FAT3: variants seen among roughly 807,000 people sequenced by gnomAD.
FAT3 encodes FAT atypical cadherin 3, also known as protocadherin Fat 3.
FAT3 carries 95 observed loss-of-function variants against 310.2 expected under a neutral mutation model. That is an observed-to-expected ratio of 0.31 (90% confidence interval 0.26 to 0.36). The LOEUF is 0.36. Ranked by LOEUF, FAT3 falls within the 10% of genes least tolerant of loss-of-function variation. FAT3 has a pLI of 1.00. For synonymous variants in FAT3, 2,314 were observed against 2,192.9 expected (o/e 1.06, Z -1.54); for missense variants, 5,408 against 5,715.6 (o/e 0.95, Z 1.74).
chr11:92,382,460 G>A (rs957004542), intron 2 of FAT3, among the ~76,000 whole-genome samples: 1 of 152,072 alleles, frequency 6.6e-6, no homozygotes, highest in South Asian at 2.1e-4. Flanking sequence ...TCCCAGGAAG[G>A]CACCTCTAAC....
At chr11:92,767,295 G>A (rs959954833) in intron 6 of FAT3, among the ~76,000 whole-genome samples, 25 of 149,896 alleles carry the variant, frequency 1.7e-4, no homozygotes, top group Admixed American at 3.3e-4. Flanking sequence ...AGCAGAAACC[G>A]AATAGGCAAC....
At chr11:92,436,579 G>A (rs988663827) in intron 2 of FAT3, among the ~76,000 whole-genome samples, 1 of 152,160 alleles carries the variant, frequency 6.6e-6, no homozygotes, top group Admixed American at 6.5e-5. Flanking sequence ...CTGGTCCATA[G>A]CGCCAGTACC....
rs11020041 is a variant in FAT3 at position 92,727,963 on chromosome 11, C to T, written c.3669+30518C>T. Among the ~76,000 whole-genome samples the T allele has an allele frequency of 3.5e-4, 53 of 152,270 alleles. No individual in the cohort carries two copies. The East Asian group carries it at 6.0e-3, about 17-fold the overall frequency. ...GTTGCTGGCTGTTCTTCTCAGGGTT[C>T]TCCGGGCTTTGAGAGAGCATGCTGG... is the stretch of plus-strand genomic sequence containing the variant. On this transcript the variant is annotated intron_variant, in intron 4 of 27. Coordinates refer to ENST00000525166, the MANE Select transcript of FAT3 (RefSeq NM_001367949.2).
chr11:92,453,581 A>T (rs887528867), intron 2 of FAT3, among the ~76,000 whole-genome samples: 57 of 152,286 alleles, frequency 3.7e-4, no homozygotes, highest in Non-Finnish European at 6.3e-4. Flanking sequence ...TGAGAATCAA[A>T]TTACATATAA....
Position 92,844,604 on chromosome 11 carries a change from T to C in FAT3, c.11237T>C (p.Leu3746Pro). The C allele has an allele frequency of 6.2e-7, 1 of 1,613,798 alleles. No individual in the cohort carries two copies. The highest frequency in any genetic ancestry group is 1.1e-5 in the South Asian group (1 of 90,936). Reference protein sequence around the residue: ...SAILEKNCSGLDCQEQHCEQG... With the variant: ...SAILEKNCSGPDCQEQHCEQG... ...ATCTTGGAGAAGAACTGCTCAGGGC[T>C]GGACTGTCAGGAACAGCATTGTGAG... Residue 3746 changes from leucine to proline, a missense_variant, in exon 19 of 28, where the codon CTG becomes CCG. Around this residue, in one of 5 missense-constraint regions of FAT3, gnomAD observed 4,588 missense variants for 4,809.8 expected, o/e 0.95. Coordinates refer to ENST00000525166, the MANE Select transcript of FAT3 (RefSeq NM_001367949.2).
At chr11:92,393,260 A>G (rs1404192179) in intron 2 of FAT3, among the ~76,000 whole-genome samples, 1 of 152,008 alleles carries the variant, frequency 6.6e-6, no homozygotes, top group Non-Finnish European at 1.5e-5. Context: ...GTGTGTATGC[A>G]CACACACTCA....
chr11:92,309,384 GCACACACACA>G (rs59596533), intron 1 of FAT3, among the ~76,000 whole-genome samples: 26,629 of 144,982 alleles, frequency 0.18, 2,819 homozygotes, highest in African/African-American at 0.3. Context: ...ACACACGCAT[GCACACACACA>G]CACACACACA....
chr11:92,645,851 C>T (rs1942143049), intron 3 of FAT3, among the ~76,000 whole-genome samples: 1 of 152,184 alleles, frequency 6.6e-6, no homozygotes, highest in Non-Finnish European at 1.5e-5. Flanking sequence ...TTCATTTTAT[C>T]TCCAGCTCCT....
chr11:92,478,297 C>T (rs949901947), intron 2 of FAT3, among the ~76,000 whole-genome samples: 5 of 152,182 alleles, frequency 3.3e-5, no homozygotes. Context: ...TTCCCAGTCA[C>T]CCAGACTTAA....
chr11:92,278,410 G>T (rs1459723221), intron 1 of FAT3, among the ~76,000 whole-genome samples: 1 of 151,928 alleles, frequency 6.6e-6, no homozygotes, highest in Non-Finnish European at 1.5e-5. Flanking sequence ...TTATAGGTAG[G>T]CCTGTGTTTG....
chr11:92,805,045 A>G, intron 10 of FAT3, 108 bp from the exon 11 acceptor site: 1 of 1,030,936 alleles, frequency 9.7e-7, no homozygotes, highest in Non-Finnish European at 1.4e-6. Context: ...CCTAAATGAT[A>G]CAGTTTAAGG....
chr11:92,773,982 T>C, intron 6 of FAT3, 59 bp from the exon 7 acceptor site: 1 of 1,592,592 alleles, frequency 6.3e-7, no homozygotes, highest in Non-Finnish European at 8.6e-7. Context: ...AGATATATGA[T>C]ATAATGCATG....
At chr11:92,335,937 AT>A (rs925018765) in intron 1 of FAT3, 51 of 357,252 alleles carry the variant, frequency 1.4e-4, no homozygotes, top group Middle Eastern at 9.3e-4. Flanking sequence ...ACTCCTATGG[AT>A]TTTTTTTTCA....
chr11:92,284,771 G>A (rs1459235582), intron 1 of FAT3, among the ~76,000 whole-genome samples: 5 of 152,120 alleles, frequency 3.3e-5, no homozygotes, highest in Admixed American at 1.3e-4. Context: ...GGGGAATGCT[G>A]GCAGGTCAGC....
intron 3 of FAT3, among the ~76,000 whole-genome samples, chr11:92,630,318 G>C (rs1449895081): frequency 6.6e-6 from 1 of 152,040 alleles, no homozygotes; most frequent in East Asian, 1.9e-4. Context: ...TTTTCCCCAG[G>C]ATACCATGCT....
At chr11:92,278,115 T>A (rs541794633) in intron 1 of FAT3, among the ~76,000 whole-genome samples, 37 of 152,064 alleles carry the variant, frequency 2.4e-4, no homozygotes, top group Non-Finnish European at 4.3e-4. Flanking sequence ...CCCACAGAAA[T>A]TCCTGAGGGG....
intron 1 of FAT3, among the ~76,000 whole-genome samples, chr11:92,349,639 C>T (rs931764999): frequency 1.3e-5 from 2 of 152,326 alleles, no homozygotes; most frequent in South Asian, 4.1e-4. Context: ...TGAGCAGGGT[C>T]ACCAGCGGCC....
chr11:92,342,761 T>C (rs772960034), intron 1 of FAT3, among the ~76,000 whole-genome samples: 1 of 152,182 alleles, frequency 6.6e-6, no homozygotes, highest in Non-Finnish European at 1.5e-5. Flanking sequence ...GAGAGAATAC[T>C]AATATATTTA....
chr11:92,832,945 C>T (rs1324957615), intron 14 of FAT3, among the ~76,000 whole-genome samples: 1 of 152,184 alleles, frequency 6.6e-6, no homozygotes, highest in Admixed American at 6.5e-5. Context: ...TCAGAACACT[C>T]ATTTCTCACC....
Sources: allele counts gnomAD v4.1 joint callset (sites outside exome capture counted in the v4.1 genomes callset), GRCh38; gene constraint gnomAD v4.1.1; regional missense constraint gnomAD v4.1.1; transcripts MANE v1.5; gene names NCBI Gene and HGNC (gene_info 2026-07-23, HGNC 2026-07-21).